Variants in TSPAN5 observed in about 807,000 individuals in gnomAD.
TSPAN5 encodes the protein tetraspanin 5.
Under a neutral mutation model 37.1 loss-of-function variants are expected in TSPAN5, and 10 were observed. The ratio of observed to expected loss-of-function variants is 0.27; its 90% confidence interval spans 0.17 to 0.46. The LOEUF (loss-of-function observed/expected upper bound fraction) is 0.46. Among genes scored for constraint, TSPAN5 ranks in the 20% least tolerant of loss-of-function variants. The pLI is 1.00. For synonymous variants in TSPAN5, 110 were observed against 118.9 expected, an observed-to-expected ratio of 0.93 and a Z score of 0.48; for missense variants, 195 against 326.6, an observed-to-expected ratio of 0.60 and a Z score of 3.11.
intron 1 of TSPAN5, among the ~76,000 whole-genome samples, chr4:98,642,834 A>G (rs1048320114): frequency 2.0e-5 from 3 of 152,216 alleles, no homozygotes; most frequent in African/African-American, 7.2e-5. Context: ...AGGCTTATAG[A>G]CTAAGGATAT....
intron 1 of TSPAN5, among the ~76,000 whole-genome samples, chr4:98,541,691 AAAAAG>A (rs1480099585): frequency 1.8e-4 from 22 of 124,988 alleles, no homozygotes; most frequent in Non-Finnish European, 2.8e-4. Context: ...AAAAAAAAAA[AAAAAG>A]AGAGAGAGAG....
chr4:98,506,767 A>T (rs1753484998), intron 2 of TSPAN5, among the ~76,000 whole-genome samples: 1 of 152,176 alleles, frequency 6.6e-6, no homozygotes, highest in African/African-American at 2.4e-5. Flanking sequence ...TAACCATTCT[A>T]TACATCCCCT....
chr4:98,541,674 C>CAAA (rs746840547), intron 1 of TSPAN5, among the ~76,000 whole-genome samples: 2 of 104,380 alleles, frequency 1.9e-5, no homozygotes, highest in Non-Finnish European at 3.6e-5. Flanking sequence ...GACTCTGTCT[C>CAAA]AAAAAAAAAA....
At chr4:98,575,758 G>A (rs1579003415) in intron 1 of TSPAN5, among the ~76,000 whole-genome samples, 1 of 112,916 alleles carries the variant, frequency 8.9e-6, no homozygotes. Context: ...ATCCATCTGC[G>A]CCCCCCACCC....
At chr4:98,503,118 CTG>C (rs1054042909) in intron 2 of TSPAN5, among the ~76,000 whole-genome samples, 1 of 151,984 alleles carries the variant, frequency 6.6e-6, no homozygotes, top group African/African-American at 2.4e-5. Context: ...TGAAATATCA[CTG>C]TGTCATTGTG....
intron 1 of TSPAN5, among the ~76,000 whole-genome samples, chr4:98,612,348 C>T (rs1465176812): frequency 1.3e-5 from 2 of 152,094 alleles, no homozygotes; most frequent in Non-Finnish European, 2.9e-5. Context: ...AAGCAGCAGA[C>T]AGGATGCAGG....
At chr4:98,532,022 G>A (rs1333252267) in intron 1 of TSPAN5, among the ~76,000 whole-genome samples, 3 of 152,150 alleles carry the variant, frequency 2.0e-5, no homozygotes, top group African/African-American at 7.2e-5. Context: ...TGTTCACTCT[G>A]ATGATAGTTT....
At chr4:98,557,520 T>C (rs1365280318) in intron 1 of TSPAN5, among the ~76,000 whole-genome samples, 1 of 152,228 alleles carries the variant, frequency 6.6e-6, no homozygotes, top group East Asian at 1.9e-4. Flanking sequence ...GTAACCATTT[T>C]AACATCCAAG....
chr4:98,541,814 T>C (rs992644298), intron 1 of TSPAN5, among the ~76,000 whole-genome samples: 3 of 152,054 alleles, frequency 2.0e-5, no homozygotes, highest in Admixed American at 2.0e-4. Flanking sequence ...GGTTATCCTG[T>C]TGGGATATGC....
At chr4:98,488,165 C>T (rs369054623) in intron 2 of TSPAN5, among the ~76,000 whole-genome samples, 5 of 152,168 alleles carry the variant, frequency 3.3e-5, no homozygotes, top group Admixed American at 6.5e-5. Flanking sequence ...AGGTGACAGA[C>T]GCCATCGCTT....
At chr4:98,548,390 A>G (rs1754520193) in intron 1 of TSPAN5, among the ~76,000 whole-genome samples, 1 of 152,218 alleles carries the variant, frequency 6.6e-6, no homozygotes, top group Non-Finnish European at 1.5e-5. Flanking sequence ...AATATAAAAA[A>G]AGTAAAAGAC....
chr4:98,588,589 T>C (rs575735760), intron 1 of TSPAN5, among the ~76,000 whole-genome samples: 1 of 152,330 alleles, frequency 6.6e-6, no homozygotes, highest in Admixed American at 6.5e-5. Flanking sequence ...AATCTTCCAG[T>C]TTTCTCATTA....
chr4:98,515,636 T>C (rs1393835498), intron 1 of TSPAN5, among the ~76,000 whole-genome samples: 1 of 152,068 alleles, frequency 6.6e-6, no homozygotes, highest in Non-Finnish European at 1.5e-5. Context: ...TGATGTGACC[T>C]GGGATTAGAT....
intron 1 of TSPAN5, among the ~76,000 whole-genome samples, chr4:98,617,857 G>A (rs1178386586): frequency 6.6e-6 from 1 of 152,230 alleles, no homozygotes. Context: ...ACTTAAGCCT[G>A]TATCCATGCC....
intron 7 of TSPAN5, 113 bp downstream of exon 7, chr4:98,476,076 A>G: frequency 9.4e-6 from 7 of 744,980 alleles, no homozygotes; most frequent in Non-Finnish European, 1.6e-5. Flanking sequence ...TCAGCCCTCC[A>G]ATGTGTCTTA....
chr4:98,624,135 G>C (rs952216404), intron 1 of TSPAN5, among the ~76,000 whole-genome samples: 3 of 152,028 alleles, frequency 2.0e-5, no homozygotes, highest in Admixed American at 2.0e-4. Context: ...CCTGGTATTT[G>C]ACATATATGT....
At chr4:98,529,673 C>T (rs1754039085) in intron 1 of TSPAN5, among the ~76,000 whole-genome samples, 1 of 152,240 alleles carries the variant, frequency 6.6e-6, no homozygotes, top group African/African-American at 2.4e-5. Context: ...ATCCCGACCA[C>T]TCCAAATGCA....
chr4:98,643,970 C>T (rs1757010033), intron 1 of TSPAN5, among the ~76,000 whole-genome samples: 1 of 152,144 alleles, frequency 6.6e-6, no homozygotes, highest in African/African-American at 2.4e-5. Context: ...GTTCCCAGCC[C>T]GTCTTCTGCC....
chr4:98,521,210 G>A (rs768719712), intron 1 of TSPAN5, among the ~76,000 whole-genome samples: 3 of 152,226 alleles, frequency 2.0e-5, no homozygotes, highest in Non-Finnish European at 4.4e-5. Flanking sequence ...GATTACAGGT[G>A]TGAGCCACCT....
Sources: gnomAD v4.1 joint callset for allele counts (sites outside exome capture counted in the v4.1 genomes callset) on GRCh38, gnomAD v4.1.1 for gene constraint, MANE v1.5 for transcripts, NCBI Gene and HGNC (gene_info 2026-07-23, HGNC 2026-07-21) for gene names.